Variants in MPP1 observed in about 807,000 individuals in gnomAD.
MPP1 encodes 55 kDa erythrocyte membrane protein.
In MPP1, 6 loss-of-function variants were observed where a neutral mutation model predicts 38.2. The observed-to-expected ratio is 0.16, with a 90% CI of 0.09 to 0.31. The LOEUF (loss-of-function observed/expected upper bound fraction) is 0.31. Ranked by LOEUF, MPP1 falls within the 10% of genes least tolerant of loss-of-function variation. The pLI is 1.00. For missense variants in MPP1, 293 were observed against 368.9 expected, an observed-to-expected ratio of 0.79 and a Z score of 1.69; for synonymous variants, 153 against 146.3, an observed-to-expected ratio of 1.05 and a Z score of -0.33.
rs3795233 is a variant in MPP1 at position 154,791,396 on chromosome X, G to A, written c.326-328C>T. The stretch of plus-strand genomic sequence containing the variant: ...AGAACTCAGTACTCCTCTTTCACCA[G>A]CAAGCTCCATGTTTCTTTGTTGTTT... On this transcript the variant is annotated intron_variant, in intron 3 of 11. Transcript: ENST00000369534. 3.2e-3 allele frequency among the ~76,000 whole-genome samples: 360 copies of A among 112,196 alleles called. 9 individuals are homozygous for A. The East Asian group carries it at 0.073, about 23-fold the overall frequency.
chrX:154,793,227 G>A (rs782784927), intron 1 of MPP1, among the ~76,000 whole-genome samples: 2 of 111,898 alleles, frequency 1.8e-5, no homozygotes, highest in Non-Finnish European at 3.8e-5. Context: ...GACGAGACAC[G>A]GAGCAATCAT....
At chrX:154,786,586 T>C (rs782656222) in intron 5 of MPP1, among the ~76,000 whole-genome samples, 186 bp from the exon 6 acceptor site, 1 of 110,833 alleles carries the variant, frequency 9.0e-6, no homozygotes, top group Non-Finnish European at 1.9e-5. Context: ...GGGGTCAGAA[T>C]GAATCCCTTT....
Position 154,790,969 on chromosome X carries a change from T to A in MPP1, c.411+14A>T. On this transcript the variant is annotated intron_variant, in intron 4 of 11. Transcript: ENST00000369534. ...GACAATGGAAGGTCTTCATCTAGCATAGAAAATACCCACCATCGCCTTCTG... is the reference window on the plus strand; with the variant it reads ...GACAATGGAAGGTCTTCATCTAGCAAAGAAAATACCCACCATCGCCTTCTG... 8.3e-7 allele frequency: 1 copy of A among 1,203,787 alleles called. No individual in the cohort carries two copies. The highest frequency in any genetic ancestry group is 1.8e-5 in the South Asian group (1 of 56,481).
At chrX:154,779,828 C>T (rs782145870) in intron 11 of MPP1, among the ~76,000 whole-genome samples, 41 of 113,227 alleles carry the variant, frequency 3.6e-4, no homozygotes, top group African/African-American at 1.2e-3. Context: ...AAGCAATTCT[C>T]GTGTCTCAGC....
At position 154,786,251 on chromosome X, in the gene MPP1, G is replaced by A. The variant is rs1261232433; in HGVS notation, c.630C>T (p.Ser210=). ...SNWWQGRVEG[S]SKESAGLIPS... ...GGATCAATCCTGCTGACTCCTTGGA[G>A]GAGCCTTCCACCCGTCCCTGCCACC... The change falls in exon 6 of 12, where the codon TCC becomes TCT. Residue 210 remains serine (S), a synonymous_variant. Coordinates refer to ENST00000369534, the MANE Select transcript of MPP1 (RefSeq NM_002436.4). 2 of 1,211,843 alleles carry A rather than the reference G, an allele frequency of 1.7e-6. No individual in the cohort carries two copies. The highest frequency in any genetic ancestry group is 3.5e-5 in the South Asian group (2 of 56,967).
At chrX:154,801,719 C>CCTACA (rs1211626666) in intron 1 of MPP1, among the ~76,000 whole-genome samples, 1 of 90,595 alleles carries the variant, frequency 1.1e-5, no homozygotes, top group Non-Finnish European at 2.1e-5. Flanking sequence ...AGACCACACC[C>CCTACA]CTACACTCCA....
At chrX:154,786,071 A>C in intron 6 of MPP1, 133 bp downstream of exon 6, 3 of 584,190 alleles carry the variant, frequency 5.1e-6, no homozygotes, top group East Asian at 3.6e-5. Context: ...ACCCTCCCCC[A>C]CCCATTATGC....
At position 154,786,368 on chromosome X, in the gene MPP1, G is replaced by C; in HGVS notation, c.513C>G (p.Pro171=). The C allele has an allele frequency of 8.3e-7, 1 of 1,211,195 alleles. No individual in the cohort carries two copies. ...TGCAAGGGATCAGATTGTCCTTTTT[G>C]GGATCATAGTCAAACTGCGCTCTCA... ...MFMRAQFDYD[P]KKDNLIPCKE... The change falls in exon 6 of 12, where the codon CCC becomes CCG. Residue 171 remains proline, a synonymous_variant. Transcript: ENST00000369534.
rs781909377 is a variant in MPP1 at position 154,805,199 on chromosome X, G to A, written c.102+73C>T. The A allele has an allele frequency of 1.1e-4, 117 of 1,025,886 alleles. No individual in the cohort carries two copies. In the African/African-American group the frequency reaches 1.9e-3, roughly 17 times the overall value. 84.5% of individuals were successfully genotyped at this position (1,025,886 alleles called of 1,213,427 possible). A position where few individuals can be genotyped will look rare whatever the true frequency, so the allele number is the denominator to read the frequency against. On this transcript the variant is annotated intron_variant, in intron 1 of 11. Transcript: ENST00000369534. ...GACAGGCCCCCCGGGGACAGGGACC[G>A]GGACAGGGAAAGTCCCGAGATGAAT... is the stretch of plus-strand genomic sequence containing the variant.
chrX:154,800,451 C>T (rs2148540828), intron 1 of MPP1, among the ~76,000 whole-genome samples: 1 of 111,573 alleles, frequency 9.0e-6, no homozygotes, highest in South Asian at 3.8e-4. Context: ...GCTTTTTCTA[C>T]CCCATGCTCT....
chrX:154,781,640 T>C lies in MPP1; in HGVS notation c.1109A>G (p.His370Arg). Residue 370 changes from histidine (H) to arginine (R), a missense_variant, in exon 10 of 12, where the codon CAT (histidine) becomes CGT (arginine). Transcript: ENST00000369534. ...GTKFETVHQI[H>R]KQNKIAILDI... ...AAGGATGGCAATCTTGTTCTGCTTATGGATCTGGTGCACTGTTTCAAATTT... is the reference window on the plus strand; with the variant it reads ...AAGGATGGCAATCTTGTTCTGCTTACGGATCTGGTGCACTGTTTCAAATTT... 1 of 1,211,610 alleles carries C rather than the reference T, an allele frequency of 8.3e-7. No individual in the cohort carries two copies.
intron 7 of MPP1, chrX:154,784,847 G>A: frequency 2.0e-6 from 1 of 489,135 alleles, no homozygotes. Flanking sequence ...CTCACCACTA[G>A]TCCTCCTTTA....
At position 154,779,083 on chromosome X, in the gene MPP1, A is replaced by G; in HGVS notation, c.*94T>C. The G allele has an allele frequency of 1.2e-6, 1 of 858,396 alleles. No individual in the cohort carries two copies. Among genetic ancestry groups the G allele is most frequent in the Non-Finnish European group, 1.6e-6 (1 of 611,648 alleles). 70.7% of individuals were successfully genotyped at this position (858,396 alleles called of 1,213,427 possible). A position where few individuals can be genotyped will look rare whatever the true frequency, so the allele number is the denominator to read the frequency against. ...GCAGAGAGCTGGAAGCTGACACAAA[A>G]CTAGTTGGAGCAGCCCTGTTTGTCT... On this transcript the variant is annotated 3_prime_UTR_variant, in exon 12 of 12. Coordinates refer to ENST00000369534, the MANE Select transcript of MPP1 (RefSeq NM_002436.4).
chrX:154,781,813 G>C lies in MPP1; in HGVS notation c.947-11C>G, dbSNP rs2072008452. On this transcript the variant is annotated splice_polypyrimidine_tract_variant and intron_variant, in intron 9 of 11. Coordinates refer to ENST00000369534, the MANE Select transcript of MPP1 (RefSeq NM_002436.4). The stretch of plus-strand genomic sequence containing the variant: ...GCGGCCGTGTTGTATCTGTGTACAA[G>C]AACCCAAATCCCCGACAAACTCCAG... 2 of 1,204,365 alleles carry C rather than the reference G, an allele frequency of 1.7e-6. No homozygotes were observed. Among genetic ancestry groups the C allele is most frequent in the East Asian group, 5.9e-5 (2 of 33,736 alleles).
chrX:154,786,533 C>T (rs782225847), intron 5 of MPP1, 133 bp from the exon 6 acceptor site: 5 of 570,944 alleles, frequency 8.8e-6, no homozygotes, highest in Non-Finnish European at 1.4e-5. Context: ...GGGGAGCACC[C>T]AAGAAAGAGA....
chrX:154,795,563 G>C (rs1197199115), intron 1 of MPP1, among the ~76,000 whole-genome samples: 1 of 111,028 alleles, frequency 9.0e-6, no homozygotes, highest in Non-Finnish European at 1.9e-5. Flanking sequence ...TCAGGGGTTC[G>C]AGACCAGCCT....
intron 1 of MPP1, among the ~76,000 whole-genome samples, chrX:154,794,128 A>G (rs1187589479): frequency 2.7e-5 from 3 of 111,502 alleles, no homozygotes; most frequent in African/African-American, 9.8e-5. Flanking sequence ...TTTCCAGAAC[A>G]ACACTACTCT....
intron 1 of MPP1, among the ~76,000 whole-genome samples, chrX:154,800,068 G>A (rs181820770): frequency 3.6e-5 from 4 of 112,200 alleles, no homozygotes; most frequent in Non-Finnish European, 7.5e-5. Context: ...TTTGCCAACT[G>A]CTCCCACGTG....
In MPP1 at chrX:154,791,036, T is replaced by C. The variant is rs2072137016; in HGVS notation, c.358A>G (p.Ile120Val). Residue 120 changes from isoleucine (I) to valine (V), a missense_variant, in exon 4 of 12, where the codon ATC becomes GTC. By Grantham distance (29) the Ile-to-Val change is conservative (BLOSUM62 3). Transcript: ENST00000369534. ...SLHVGDEILE[I>V]NGTNVTNHSV... ...TGATTTGTCACATTTGTGCCATTGA[T>C]TTCTAGGATCTCATCCCCCACGTGA... The C allele has an allele frequency of 3.3e-6, 4 of 1,211,291 alleles. No individual in the cohort carries two copies. In the East Asian group the frequency reaches 1.2e-4, roughly 36 times the overall value.
Sources: allele counts gnomAD v4.1 joint callset (sites outside exome capture counted in the v4.1 genomes callset), GRCh38; gene constraint gnomAD v4.1.1; transcripts MANE v1.5; gene names NCBI Gene and HGNC (gene_info 2026-07-23, HGNC 2026-07-21).